IQCJ: variants seen among roughly 807,000 people sequenced by gnomAD.
IQCJ encodes IQ domain-containing protein J.
A neutral mutation model predicts 11.0 loss-of-function variants in IQCJ; 9 were observed. The observed-to-expected ratio is 0.82, with a 90% CI of 0.49 to 1.43. The LOEUF (loss-of-function observed/expected upper bound fraction) is 1.43. IQCJ is among the 40% of genes most tolerant of loss of function. The pLI is 0.00. For missense variants in IQCJ, 146 were observed against 133.2 expected (o/e 1.10, Z -0.47); for synonymous variants, 55 against 51.3 (o/e 1.07, Z -0.31).
At chr3:159,165,469 T>G (rs1473394957) in intron 1 of IQCJ, among the ~76,000 whole-genome samples, 4 of 152,218 alleles carry the variant, frequency 2.6e-5, no homozygotes, top group African/African-American at 9.6e-5. Flanking sequence ...TCAGATTATA[T>G]TACACAGGCA....
At chr3:159,134,592 T>C (rs920707230) in intron 1 of IQCJ, among the ~76,000 whole-genome samples, 3 of 152,218 alleles carry the variant, frequency 2.0e-5, no homozygotes, top group African/African-American at 7.2e-5. Context: ...TACATCTTTC[T>C]TTCAGTGACC....
chr3:159,256,012 C>A (rs1262259038), intron 3 of IQCJ, among the ~76,000 whole-genome samples: 3 of 152,312 alleles, frequency 2.0e-5, no homozygotes, highest in Admixed American at 1.3e-4. Flanking sequence ...GTGAGAAGGC[C>A]TCGCAGCACA....
At chr3:159,116,148 A>G (rs1041067964) in intron 1 of IQCJ, among the ~76,000 whole-genome samples, 6 of 151,958 alleles carry the variant, frequency 3.9e-5, no homozygotes, top group African/African-American at 1.4e-4. Flanking sequence ...GATTGGAGGA[A>G]CCCTTGAGCC....
chr3:159,192,776 C>A (rs996855241), intron 1 of IQCJ, among the ~76,000 whole-genome samples: 3 of 152,182 alleles, frequency 2.0e-5, no homozygotes, highest in African/African-American at 7.2e-5. Flanking sequence ...CCACAGCATG[C>A]ACTACAGGTT....
At chr3:159,115,071 T>C (rs375657226) in intron 1 of IQCJ, among the ~76,000 whole-genome samples, 102 of 152,366 alleles carry the variant, frequency 6.7e-4, no homozygotes, top group Middle Eastern at 3.4e-3. Context: ...GTTCACCCTA[T>C]CTAGAAAGGG....
At chr3:159,108,006 CAA>C (rs367862873) in intron 1 of IQCJ, among the ~76,000 whole-genome samples, 4 of 100,912 alleles carry the variant, frequency 4.0e-5, no homozygotes, top group East Asian at 2.8e-4. Flanking sequence ...TATGGTTTTC[CAA>C]AAAAAAAAAA....
At chr3:159,166,764 C>A (rs1250600984) in intron 1 of IQCJ, among the ~76,000 whole-genome samples, 1 of 152,092 alleles carries the variant, frequency 6.6e-6, no homozygotes, top group Non-Finnish European at 1.5e-5. Flanking sequence ...CTCTAATCAG[C>A]CAGTAGCTGA....
intron 1 of IQCJ, among the ~76,000 whole-genome samples, chr3:159,243,613 T>C (rs1284738261): frequency 1.3e-5 from 2 of 151,922 alleles, no homozygotes; most frequent in South Asian, 2.1e-4. Flanking sequence ...GAGAGGAAAA[T>C]TGATTGTAAA....
intron 1 of IQCJ, among the ~76,000 whole-genome samples, chr3:159,199,770 G>A (rs868309757): frequency 2.6e-5 from 4 of 151,792 alleles, no homozygotes; most frequent in Non-Finnish European, 5.9e-5. Flanking sequence ...GGGTCACAAT[G>A]GTCTAATGAT....
chr3:159,139,332 T>C (rs1720471516), intron 1 of IQCJ, among the ~76,000 whole-genome samples: 1 of 152,194 alleles, frequency 6.6e-6, no homozygotes, highest in Non-Finnish European at 1.5e-5. Context: ...AAAACAACTT[T>C]ACTTGGAAAA....
chr3:159,144,364 C>A (rs144503791), intron 1 of IQCJ, among the ~76,000 whole-genome samples: 1 of 152,286 alleles, frequency 6.6e-6, no homozygotes, highest in African/African-American at 2.4e-5. Flanking sequence ...TGTGTGTGTT[C>A]AAGCACAGAT....
chr3:159,171,667 T>A (rs1042288610), intron 1 of IQCJ, among the ~76,000 whole-genome samples: 1 of 152,222 alleles, frequency 6.6e-6, no homozygotes, highest in African/African-American at 2.4e-5. Context: ...CTTCTGAGAC[T>A]ATTTCTCGGG....
rs1717046122 is a variant in IQCJ, at chr3:159,089,250, C to CA, written c.9+19810dup. Among the ~76,000 whole-genome samples, 3 of 152,228 alleles carry CA rather than the reference C, an allele frequency of 2.0e-5. No individual in the cohort carries two copies. The South Asian group carries it at 6.2e-4, about 32-fold the overall frequency. Reference sequence around the variant, plus strand: ...TTTAAGAATGTTGAATATTGGCCCCCACTCTCTTCTGGCTTGTAGCGTTTC... The same window carrying CA: ...TTTAAGAATGTTGAATATTGGCCCCCAACTCTCTTCTGGCTTGTAGCGTTTC... On this transcript the variant is annotated intron_variant, in intron 1 of 3. Coordinates refer to ENST00000397832, the MANE Select transcript of IQCJ (RefSeq NM_001042706.3).
intron 1 of IQCJ, among the ~76,000 whole-genome samples, chr3:159,227,412 G>C (rs962860844): frequency 6.6e-6 from 1 of 152,024 alleles, no homozygotes; most frequent in Non-Finnish European, 1.5e-5. Flanking sequence ...ATTTTGTATC[G>C]GGGATGGTGG....
chr3:159,231,768 T>C (rs1438648594), intron 1 of IQCJ, among the ~76,000 whole-genome samples: 1 of 152,226 alleles, frequency 6.6e-6, no homozygotes, highest in East Asian at 1.9e-4. Context: ...CCCGGGCTTT[T>C]ATTTGTTGGT....
At chr3:159,236,107 T>C (rs1451604428) in intron 1 of IQCJ, among the ~76,000 whole-genome samples, 1 of 152,164 alleles carries the variant, frequency 6.6e-6, no homozygotes, top group African/African-American at 2.4e-5. Context: ...CTTAACTGAA[T>C]GAATCCTTTA....
At chr3:159,142,758 G>T (rs768345434) in intron 1 of IQCJ, among the ~76,000 whole-genome samples, 64 of 151,950 alleles carry the variant, frequency 4.2e-4, no homozygotes, top group Non-Finnish European at 6.5e-4. Flanking sequence ...TTTATTTTTG[G>T]AACGTAATGC....
intron 1 of IQCJ, among the ~76,000 whole-genome samples, chr3:159,220,698 A>C (rs1247893384): frequency 6.6e-6 from 1 of 152,182 alleles, no homozygotes; most frequent in Non-Finnish European, 1.5e-5. Context: ...AACAACAAAA[A>C]TACCACACCC....
chr3:159,088,318 T>C (rs1716955182), intron 1 of IQCJ, among the ~76,000 whole-genome samples: 1 of 152,160 alleles, frequency 6.6e-6, no homozygotes, highest in Admixed American at 6.5e-5. Context: ...TTACATTTGC[T>C]GAGGAGAGCT....
Sources: allele counts gnomAD v4.1 joint callset (sites outside exome capture counted in the v4.1 genomes callset), GRCh38; gene constraint gnomAD v4.1.1; transcripts MANE v1.5; gene names NCBI Gene and HGNC (gene_info 2026-07-23, HGNC 2026-07-21).